Variants in VPS26A observed in about 807,000 individuals in gnomAD.
VPS26A encodes the protein vacuolar protein sorting-associated protein 26A.
In VPS26A, 22 loss-of-function variants were observed where a neutral mutation model predicts 42.4. The ratio of observed to expected loss-of-function variants is 0.52; its 90% CI spans 0.37 to 0.74. The LOEUF (loss-of-function observed/expected upper bound fraction) is 0.74. Ranked by LOEUF, VPS26A falls within the 30% of genes least tolerant of loss-of-function variation. The probability of loss-of-function intolerance (pLI) is 0.00; values close to 1 mark genes in which losing one functional copy is unlikely to be tolerated. For synonymous variants in VPS26A, 110 were observed against 123.5 expected (o/e 0.89, Z 0.73); for missense variants, 276 against 379.2 (o/e 0.73, Z 2.26).
chr10:69,141,810 G>T (rs1444138956), intron 2 of VPS26A, among the ~76,000 whole-genome samples: 4 of 152,116 alleles, frequency 2.6e-5, no homozygotes, highest in African/African-American at 9.7e-5. Context: ...AAAGAGGTTT[G>T]CTATAATAAC....
chr10:69,139,774 G>C (rs576597195), intron 2 of VPS26A, among the ~76,000 whole-genome samples: 1 of 152,030 alleles, frequency 6.6e-6, no homozygotes, highest in Non-Finnish European at 1.5e-5. Flanking sequence ...AGTCTTGTTT[G>C]AGTGTGGTTT....
chr10:69,135,827 A>G (rs1840895475), intron 2 of VPS26A, among the ~76,000 whole-genome samples: 1 of 152,166 alleles, frequency 6.6e-6, no homozygotes, highest in Non-Finnish European at 1.5e-5. Flanking sequence ...ATTATAAGGC[A>G]TATTTTCTTA....
In VPS26A at chr10:69,158,919, A is replaced by G. The variant is rs77912958; in HGVS notation, c.551+708A>G. On this transcript the variant is annotated intron_variant, in intron 5 of 8. Coordinates refer to ENST00000263559, the MANE Select transcript of VPS26A (RefSeq NM_004896.5). ...TTATATATGTGGAATTTGCTTCGAT[A>G]CAATCTGTGGGAAGCTGTATCAATA... Among the ~76,000 whole-genome samples the G allele has an allele frequency of 1.3e-4, 20 of 152,362 alleles. No individual in the cohort carries two copies. In the East Asian group the frequency reaches 3.9e-3, roughly 29 times the overall value.
At chr10:69,146,131 G>A (rs575869927) in intron 2 of VPS26A, among the ~76,000 whole-genome samples, 1 of 152,182 alleles carries the variant, frequency 6.6e-6, no homozygotes, top group African/African-American at 2.4e-5. Context: ...GTCTCGCTCT[G>A]TCACCCACGC....
intron 2 of VPS26A, chr10:69,133,459 A>G (rs1195636377): frequency 4.5e-6 from 4 of 896,148 alleles, no homozygotes; most frequent in South Asian, 1.7e-5. Context: ...ATAACTTTCT[A>G]AAGGTTTTTT....
chr10:69,124,189 A>ACGGAGCGC lies in VPS26A; in HGVS notation c.-81_-74dup. On this transcript the variant is annotated 5_prime_UTR_variant, in exon 1 of 9. Coordinates refer to ENST00000263559, the MANE Select transcript of VPS26A (RefSeq NM_004896.5). ...GTGAGGGGCGGCCCGAGGTCACGTGACGGAGCGCCGGAGCGGAGGGAGCCG... is the reference window on the plus strand; with the variant it reads ...GTGAGGGGCGGCCCGAGGTCACGTGACGGAGCGCCGGAGCGCCGGAGCGGAGGGAGCCG... 8.0e-7 allele frequency: 1 copy of ACGGAGCGC among 1,247,672 alleles called. No homozygotes were observed. Among genetic ancestry groups the ACGGAGCGC allele is most frequent in the Non-Finnish European group, 1.0e-6 (1 of 986,528 alleles). The allele number at this position is 1,247,672 out of a possible 1,614,324, so 77.3% of individuals were successfully genotyped here. A position where few individuals can be genotyped will look rare whatever the true frequency, so the allele number is the denominator to read the frequency against.
At position 69,168,378 on chromosome 10, in the gene VPS26A, A is replaced by G; in HGVS notation, c.728-111A>G. Reference sequence around the variant, plus strand: ...TGAACCCTGGTCTTTGTTATTTTGCATCTCATGAGGATGTGAAGCATTAGT... The same window carrying G: ...TGAACCCTGGTCTTTGTTATTTTGCGTCTCATGAGGATGTGAAGCATTAGT... On this transcript the variant is annotated intron_variant, in intron 7 of 8. Coordinates refer to ENST00000263559, the MANE Select transcript of VPS26A (RefSeq NM_004896.5). 2.6e-6 allele frequency: 3 copies of G among 1,170,906 alleles called. No homozygotes were observed. In the East Asian group the frequency reaches 7.1e-5, roughly 28 times the overall value. 72.5% of individuals were successfully genotyped at this position (1,170,906 alleles called of 1,614,324 possible).
chr10:69,127,243 G>A (rs904215317), intron 1 of VPS26A, among the ~76,000 whole-genome samples: 9 of 150,920 alleles, frequency 6.0e-5, no homozygotes, highest in African/African-American at 9.7e-5. Context: ...ACTGTGCCTG[G>A]CTGACTAGTT....
chr10:69,171,328 A>G lies in VPS26A; in HGVS notation c.*59A>G. 6.6e-7 allele frequency: 1 copy of G among 1,513,048 alleles called. No homozygotes were observed. The highest frequency in any genetic ancestry group is 9.0e-7 in the Non-Finnish European group (1 of 1,107,184). The allele number at this position is 1,513,048 out of a possible 1,614,324, so 93.7% of individuals were successfully genotyped here. On this transcript the variant is annotated 3_prime_UTR_variant, in exon 9 of 9. Transcript: ENST00000263559. ...TCCTGTAACCCTTGAGATTAAGTTC[A>G]GCAGGTTAAAGATGGTTGCAGCTGG...
At chr10:69,161,891 T>C (rs565125644) in intron 5 of VPS26A, 4 of 225,526 alleles carry the variant, frequency 1.8e-5, no homozygotes, top group Admixed American at 1.7e-4. Context: ...CCAGCAGCAA[T>C]GCCTTCCTCA....
At chr10:69,149,400 G>T (rs897515994) in intron 2 of VPS26A, among the ~76,000 whole-genome samples, 1 of 152,090 alleles carries the variant, frequency 6.6e-6, no homozygotes, top group Non-Finnish European at 1.5e-5. Context: ...AATAAGTCAG[G>T]GTCAAGAAAG....
At chr10:69,159,083 A>G (rs1023802058) in intron 5 of VPS26A, among the ~76,000 whole-genome samples, 3 of 152,288 alleles carry the variant, frequency 2.0e-5, no homozygotes, top group South Asian at 2.1e-4. Flanking sequence ...AGAAGGGTTA[A>G]AAAGATTGAG....
intron 7 of VPS26A, 135 bp from the exon 8 acceptor site, chr10:69,168,354 G>T: frequency 1.0e-6 from 1 of 982,330 alleles, no homozygotes; most frequent in East Asian, 2.4e-5. Context: ...TACTGAGGAT[G>T]AACCCTGGTC....
intron 8 of VPS26A, chr10:69,170,423 T>C (rs1188723197): frequency 6.9e-6 from 1 of 145,116 alleles, no homozygotes; most frequent in Non-Finnish European, 1.6e-5. Context: ...TTCTGATATG[T>C]TGGGGAAAAA....
intron 2 of VPS26A, among the ~76,000 whole-genome samples, chr10:69,146,543 A>G (rs1455878708): frequency 6.6e-6 from 1 of 152,086 alleles, no homozygotes. Context: ...CATCACCTCA[A>G]ATAGAAACTT....
intron 1 of VPS26A, among the ~76,000 whole-genome samples, chr10:69,131,168 C>T (rs1314814714): frequency 2.6e-5 from 4 of 152,070 alleles, no homozygotes; most frequent in Non-Finnish European, 4.4e-5. Context: ...GTATTAAAGA[C>T]GGGGCTTCAC....
chr10:69,149,727 G>GTTTTTTTTTTTTTTTT (rs151136046), intron 2 of VPS26A, among the ~76,000 whole-genome samples: 6 of 93,952 alleles, frequency 6.4e-5, no homozygotes, highest in East Asian at 3.1e-4. Context: ...CTTTCTTGGT[G>GTTTTTTTTTTTTTTTT]TTTTTTGTTT....
At chr10:69,139,511 C>T (rs554091884) in intron 2 of VPS26A, among the ~76,000 whole-genome samples, 1 of 152,192 alleles carries the variant, frequency 6.6e-6, no homozygotes, top group South Asian at 2.1e-4. Flanking sequence ...ACCATATTGG[C>T]CAGGCTGGTC....
chr10:69,139,811 C>A (rs1054010130), intron 2 of VPS26A, among the ~76,000 whole-genome samples: 1 of 151,894 alleles, frequency 6.6e-6, no homozygotes, highest in Non-Finnish European at 1.5e-5. Context: ...TTCTGCTTAT[C>A]CTTTATTTCT....
Sources: gnomAD v4.1 joint callset for allele counts (sites outside exome capture counted in the v4.1 genomes callset) on GRCh38, gnomAD v4.1.1 for gene constraint, MANE v1.5 for transcripts, NCBI Gene and HGNC (gene_info 2026-07-23, HGNC 2026-07-21) for gene names.